The following MAML2 variants were observed in gnomAD, a reference collection of about 807,000 sequenced individuals.
MAML2 encodes mastermind-like protein 2.
A neutral mutation model predicts 96.1 loss-of-function variants in MAML2; 22 were observed. The observed-to-expected ratio is 0.23, with a 90% confidence interval of 0.16 to 0.33. The LOEUF (loss-of-function observed/expected upper bound fraction) is 0.33. Ranked by LOEUF, MAML2 falls within the 10% of genes least tolerant of loss-of-function variation. The pLI is 1.00. For missense variants in MAML2, 1,367 were observed against 1,392.4 expected, an observed-to-expected ratio of 0.98 and a Z score of 0.29; for synonymous variants, 561 against 521.3, an observed-to-expected ratio of 1.08 and a Z score of -1.04.
intron 1 of MAML2, among the ~76,000 whole-genome samples, chr11:96,337,837 C>T (rs1187158774): frequency 1.3e-5 from 2 of 152,188 alleles, no homozygotes; most frequent in Non-Finnish European, 2.9e-5. Context: ...TTTCCTAAAG[C>T]TTGTTCAGAA....
chr11:96,171,293 A>T (rs751690972), intron 1 of MAML2, among the ~76,000 whole-genome samples: 1 of 152,092 alleles, frequency 6.6e-6, no homozygotes, highest in Non-Finnish European at 1.5e-5. Context: ...ACCTTATTGC[A>T]TATGTGTTAT....
intron 1 of MAML2, among the ~76,000 whole-genome samples, chr11:96,170,924 C>A (rs2155002): frequency 0.1 from 15,148 of 152,120 alleles, 847 homozygotes; most frequent in African/African-American, 0.13. Context: ...CCATGTTAGC[C>A]AGGATGGTCT....
intron 1 of MAML2, among the ~76,000 whole-genome samples, chr11:96,141,025 G>A (rs1424818093): frequency 6.6e-6 from 1 of 152,174 alleles, no homozygotes; most frequent in African/African-American, 2.4e-5. Flanking sequence ...CTTAGCATAA[G>A]TATGTCTCAT....
chr11:96,145,219 C>CTAA (rs1860797613), intron 1 of MAML2, among the ~76,000 whole-genome samples: 1 of 152,196 alleles, frequency 6.6e-6, no homozygotes, highest in African/African-American at 2.4e-5. Context: ...TCTGTTAGAA[C>CTAA]TAAGCCTTGC....
At chr11:96,288,307 C>T (rs1051735288) in intron 1 of MAML2, among the ~76,000 whole-genome samples, 1 of 151,954 alleles carries the variant, frequency 6.6e-6, no homozygotes, top group Non-Finnish European at 1.5e-5. Context: ...AATGGGAGGT[C>T]GAGGCGGGTG....
At chr11:96,079,653 A>G (rs1859501446) in intron 2 of MAML2, among the ~76,000 whole-genome samples, 1 of 152,230 alleles carries the variant, frequency 6.6e-6, no homozygotes, top group South Asian at 2.1e-4. Context: ...CCTTCTTTGC[A>G]TACTCTGTGG....
intron 1 of MAML2, among the ~76,000 whole-genome samples, chr11:96,287,325 C>A (rs1309357817): frequency 6.6e-6 from 1 of 152,146 alleles, no homozygotes; most frequent in African/African-American, 2.4e-5. Context: ...AACTAAGAGG[C>A]CCTTTGGGGG....
chr11:96,113,749 C>T (rs1860176445), intron 1 of MAML2, among the ~76,000 whole-genome samples: 1 of 152,110 alleles, frequency 6.6e-6, no homozygotes, highest in Non-Finnish European at 1.5e-5. Flanking sequence ...AGACTACTCT[C>T]TCCCCCATCT....
chr11:96,132,738 C>T (rs962444237), intron 1 of MAML2, among the ~76,000 whole-genome samples: 1 of 152,156 alleles, frequency 6.6e-6, no homozygotes, highest in Non-Finnish European at 1.5e-5. Context: ...AGTAACTTAC[C>T]TTGTAATTTG....
intron 1 of MAML2, among the ~76,000 whole-genome samples, chr11:96,174,750 CTGTGACATACACT>C (rs1258551556): frequency 1.3e-5 from 2 of 152,266 alleles, no homozygotes; most frequent in Non-Finnish European, 2.9e-5. Context: ...AGAAGAGCAA[CTGTGACATACACT>C]TGTGGGATAC....
intron 1 of MAML2, among the ~76,000 whole-genome samples, chr11:96,106,292 A>G (rs1421296962): frequency 6.6e-6 from 1 of 152,332 alleles, no homozygotes; most frequent in African/African-American, 2.4e-5. Context: ...AACTTTTGGC[A>G]GGTCAAAATT....
chr11:96,174,994 A>T (rs1241483101), intron 1 of MAML2, among the ~76,000 whole-genome samples: 2 of 152,236 alleles, frequency 1.3e-5, no homozygotes, highest in African/African-American at 4.8e-5. Flanking sequence ...CACTTTGGAA[A>T]ACATGGTGCG....
chr11:96,310,858 G>T (rs1488264725), intron 1 of MAML2, among the ~76,000 whole-genome samples: 2 of 152,200 alleles, frequency 1.3e-5, no homozygotes, highest in Admixed American at 1.3e-4. Flanking sequence ...GAATGCATGG[G>T]ACTCTTCTAA....
At chr11:96,206,584 C>T (rs754408333) in intron 1 of MAML2, among the ~76,000 whole-genome samples, 23 of 152,086 alleles carry the variant, frequency 1.5e-4, no homozygotes, top group East Asian at 3.9e-4. Flanking sequence ...GGTGAAAGAG[C>T]GAGACTCCAT....
At chr11:96,123,782 A>G (rs557709646) in intron 1 of MAML2, among the ~76,000 whole-genome samples, 1 of 152,198 alleles carries the variant, frequency 6.6e-6, no homozygotes, top group Admixed American at 6.5e-5. Flanking sequence ...GACAGAAATT[A>G]AGAGTAACCC....
intron 1 of MAML2, among the ~76,000 whole-genome samples, chr11:96,280,061 T>C (rs575117812): frequency 2.2e-4 from 34 of 152,224 alleles, no homozygotes; most frequent in African/African-American, 7.9e-4. Flanking sequence ...CATATAGAGA[T>C]ATAGCTCTAC....
intron 2 of MAML2, among the ~76,000 whole-genome samples, chr11:96,067,555 A>G (rs1307628807): frequency 6.6e-6 from 1 of 151,684 alleles, no homozygotes; most frequent in African/African-American, 2.4e-5. Flanking sequence ...GACCCAACAA[A>G]TGAAACACTT....
intron 2 of MAML2, among the ~76,000 whole-genome samples, chr11:96,031,402 C>T (rs1858612653): frequency 6.6e-6 from 1 of 151,884 alleles, no homozygotes; most frequent in Admixed American, 6.6e-5. Context: ...TTAGTGTTTT[C>T]CAAACTATGC....
At chr11:96,238,512 A>T (rs1862393462) in intron 1 of MAML2, among the ~76,000 whole-genome samples, 2 of 152,206 alleles carry the variant, frequency 1.3e-5, no homozygotes, top group Non-Finnish European at 2.9e-5. Context: ...CATTCCCATG[A>T]TTGCTATGGT....
Sources: gnomAD v4.1 joint callset for allele counts (sites outside exome capture counted in the v4.1 genomes callset) on GRCh38, gnomAD v4.1.1 for gene constraint, MANE v1.5 for transcripts, NCBI Gene and HGNC (gene_info 2026-07-23, HGNC 2026-07-21) for gene names.